BBS4: variants seen among roughly 807,000 people sequenced by gnomAD.
The protein encoded by BBS4 is BBSome complex member BBS4.
In BBS4, 58 loss-of-function variants were observed where a neutral mutation model predicts 71.4. That is an observed-to-expected ratio of 0.81 (90% CI 0.66 to 1.01). The LOEUF is 1.01. Among genes scored for constraint, BBS4 ranks in the 50% least tolerant of loss-of-function variants. BBS4 has a pLI of 0.00. For missense variants in BBS4, 660 were observed against 607.9 expected (o/e 1.09, Z -0.90); for synonymous variants, 228 against 216.8 (o/e 1.05, Z -0.46).
intron 9 of BBS4, 101 bp downstream of exon 9, chr15:72,728,095 G>T: frequency 1.2e-6 from 1 of 833,426 alleles, no homozygotes; most frequent in Non-Finnish European, 2.0e-6. Context: ...TTTTATTAAA[G>T]GTCATATAAA....
chr15:72,729,202 C>T (rs1298790625), intron 9 of BBS4, among the ~76,000 whole-genome samples: 2 of 99,612 alleles, frequency 2.0e-5, no homozygotes, highest in African/African-American at 7.9e-5. Flanking sequence ...CAAGAGAACT[C>T]AAAAAAGCCA....
intron 8 of BBS4, among the ~76,000 whole-genome samples, chr15:72,725,469 A>G (rs996995660): frequency 6.6e-6 from 1 of 152,172 alleles, no homozygotes. Context: ...GTGGGCAGAC[A>G]TGCACTCAAG....
intron 2 of BBS4, among the ~76,000 whole-genome samples, chr15:72,707,483 T>G (rs1202186174): frequency 6.6e-6 from 1 of 152,064 alleles, no homozygotes; most frequent in African/African-American, 2.4e-5. Flanking sequence ...CTGGCCTCTT[T>G]TCCATTTTTA....
chr15:72,738,311 G>A lies in BBS4; in HGVS notation c.*724G>A, dbSNP rs1161078654. 2.2e-6 allele frequency: 1 copy of A among 454,086 alleles called. No individual in the cohort carries two copies. The highest frequency in any genetic ancestry group is 4.4e-6 in the Non-Finnish European group (1 of 226,786). 28.1% of individuals were successfully genotyped at this position (454,086 alleles called of 1,614,324 possible). A position where few individuals can be genotyped will look rare whatever the true frequency, so the allele number is the denominator to read the frequency against. ...AGAAAAAAGGAAGAGTTTCTTAGAT[G>A]AGTAATTGTTATTGAAGATAGTCAG... On this transcript the variant is annotated 3_prime_UTR_variant, in exon 16 of 16. Transcript: ENST00000268057.
chr15:72,712,290 A>G lies in BBS4; in HGVS notation c.203A>G (p.Tyr68Cys), dbSNP rs138434735. ...CAAGAGACTCAGGGATTGTGTGAAT[A>G]TGCTATCTATGTCCAAGGTAAGACA... ...QLQETQGLCE[Y>C]AIYVQALIFR... The change falls in exon 4 of 16, where the codon TAT (tyrosine) becomes TGT (cysteine). Residue 68 changes from tyrosine to cysteine, a missense_variant. By Grantham distance (194) the Tyr-to-Cys change is radical (BLOSUM62 -2). Coordinates refer to ENST00000268057, the MANE Select transcript of BBS4 (RefSeq NM_033028.5). The G allele has an allele frequency of 4.3e-6, 7 of 1,613,930 alleles. No individual in the cohort carries two copies. The highest frequency in any genetic ancestry group is 5.1e-6 in the Non-Finnish European group (6 of 1,179,788).
chr15:72,731,154 C>T, intron 10 of BBS4, 151 bp from the exon 11 acceptor site: 1 of 668,586 alleles, frequency 1.5e-6, no homozygotes, highest in Non-Finnish European at 2.5e-6. Context: ...GAACATTTGT[C>T]CCAATAGGTT....
At position 72,705,587 on chromosome 15, in the gene BBS4, C is replaced by CTTTTTT. The variant is rs762708438; in HGVS notation, c.77-4095_77-4090dup. Reference sequence around the variant, plus strand: ...CAAGAAACACAAAACATGGCTTGTCCTTTTTTTTTTTTTTTTTTTTTTTGA... The same window carrying CTTTTTT: ...CAAGAAACACAAAACATGGCTTGTCCTTTTTTTTTTTTTTTTTTTTTTTTTTTTTGA... On this transcript the variant is annotated intron_variant, in intron 2 of 15. Transcript: ENST00000268057. Among the ~76,000 whole-genome samples the CTTTTTT allele has an allele frequency of 5.1e-4, 44 of 86,860 alleles. 3 individuals carry two copies. Among genetic ancestry groups the CTTTTTT allele is most frequent in the Non-Finnish European group, 5.5e-4 (27 of 48,696 alleles). 57.0% of individuals were successfully genotyped at this position (86,860 alleles called of 152,430 possible).
At position 72,736,743 on chromosome 15, in the gene BBS4, C is replaced by T; in HGVS notation, c.1249-19C>T. On this transcript the variant is annotated intron_variant, in intron 14 of 15. Transcript: ENST00000268057. Reference sequence around the variant, plus strand: ...GACAGTCACGCTTTTGATTCTTTTACTTCCTTTGTGGACACAAGATGGTGG... The same window carrying T: ...GACAGTCACGCTTTTGATTCTTTTATTTCCTTTGTGGACACAAGATGGTGG... 2 of 1,613,800 alleles carry T rather than the reference C, an allele frequency of 1.2e-6. No homozygotes were observed. Among genetic ancestry groups the T allele is most frequent in the Non-Finnish European group, 1.7e-6 (2 of 1,179,678 alleles).
intron 6 of BBS4, chr15:72,717,147 C>T (rs538771597): frequency 1.6e-5 from 6 of 379,948 alleles, no homozygotes; most frequent in Non-Finnish European, 2.4e-5. Flanking sequence ...TCCACAGTAT[C>T]AGCAATAGGC....
intron 8 of BBS4, among the ~76,000 whole-genome samples, chr15:72,725,296 TG>T (rs1394938557): frequency 1.3e-5 from 2 of 152,096 alleles, no homozygotes; most frequent in Non-Finnish European, 2.9e-5. Context: ...CTTAAACTTC[TG>T]GGCTCAAGCG....
intron 15 of BBS4, 56 bp from the exon 16 acceptor site, chr15:72,737,422 A>ATGAT (rs2065947133): frequency 6.9e-7 from 1 of 1,458,974 alleles, no homozygotes; most frequent in African/African-American, 1.4e-5. Flanking sequence ...GCAAAAAAGA[A>ATGAT]TGATTTCTTC....
rs190341006 is a variant in BBS4, at chr15:72,730,301, A to G, written c.711+617A>G. ...CTCAAAAAAAAAAAAAATAAAAAAT[A>G]AAAAAAATAAATCTGCTGGGCATGG... On this transcript the variant is annotated intron_variant, in intron 10 of 15. Coordinates refer to ENST00000268057, the MANE Select transcript of BBS4 (RefSeq NM_033028.5). Among the ~76,000 whole-genome samples the G allele has an allele frequency of 1.5e-3, 220 of 150,826 alleles. 1 individual carries two copies. The highest frequency in any genetic ancestry group is 5.1e-3 in the African/African-American group (208 of 41,072).
intron 2 of BBS4, chr15:72,704,520 A>G (rs1396464706): frequency 1.7e-6 from 2 of 1,149,716 alleles, no homozygotes; most frequent in Non-Finnish European, 2.3e-6. Context: ...CATAGATTCT[A>G]GGGATTTCTG....
intron 1 of BBS4, among the ~76,000 whole-genome samples, chr15:72,690,019 C>T (rs2064956285): frequency 6.6e-6 from 1 of 152,000 alleles, no homozygotes; most frequent in South Asian, 2.1e-4. Flanking sequence ...ACCGTGTTAG[C>T]CAGGATGGTT....
At chr15:72,729,515 G>C in intron 9 of BBS4, 101 bp from the exon 10 acceptor site, 2 of 1,097,200 alleles carry the variant, frequency 1.8e-6, no homozygotes, top group Non-Finnish European at 2.8e-6. Context: ...CTCCCAAAGT[G>C]CTGGGATTAT....
At chr15:72,714,530 G>A (rs1176212493) in intron 4 of BBS4, among the ~76,000 whole-genome samples, 1 of 152,088 alleles carries the variant, frequency 6.6e-6, no homozygotes, top group African/African-American at 2.4e-5. Flanking sequence ...CTGGCCCACT[G>A]ACTTAAATTT....
intron 8 of BBS4, 140 bp downstream of exon 8, chr15:72,724,795 T>C: frequency 9.1e-7 from 1 of 1,097,224 alleles, no homozygotes; most frequent in East Asian, 2.7e-5. Context: ...GTTTAAGAGC[T>C]CCCAGTAGCT....
intron 7 of BBS4, among the ~76,000 whole-genome samples, chr15:72,723,198 T>C (rs937371682): frequency 6.6e-6 from 1 of 152,182 alleles, no homozygotes; most frequent in Non-Finnish European, 1.5e-5. Context: ...ATCATGACCA[T>C]GTGAGCTATC....
At chr15:72,727,180 G>C (rs139546735) in intron 8 of BBS4, among the ~76,000 whole-genome samples, 141 of 152,290 alleles carry the variant, frequency 9.3e-4, no homozygotes, top group Middle Eastern at 6.8e-3. Flanking sequence ...CTTCCTATAG[G>C]TAACCAGTGC....
Sources: gnomAD v4.1 joint callset for allele counts (sites outside exome capture counted in the v4.1 genomes callset) on GRCh38, gnomAD v4.1.1 for gene constraint, MANE v1.5 for transcripts, NCBI Gene and HGNC (gene_info 2026-07-23, HGNC 2026-07-21) for gene names.